STIM1: variants seen among roughly 807,000 people sequenced by gnomAD.
The protein encoded by STIM1 is stromal interaction molecule 1.
Under a neutral mutation model 74.7 loss-of-function variants are expected in STIM1, and 25 were observed. That is an observed-to-expected ratio of 0.33 (90% CI 0.24 to 0.47). The LOEUF (loss-of-function observed/expected upper bound fraction) is 0.47. STIM1 is among the 20% of genes least tolerant of loss of function. The pLI, the probability that STIM1 is intolerant of heterozygous loss-of-function variation, is 1.00. For missense variants in STIM1, 728 were observed against 920.8 expected, an observed-to-expected ratio of 0.79 and a Z score of 2.71; for synonymous variants, 328 against 348.8, an observed-to-expected ratio of 0.94 and a Z score of 0.66.
Position 3,925,805 on chromosome 11 carries a change from A to G in STIM1, c.140-41747A>G, listed in dbSNP as rs144609263. The stretch of plus-strand genomic sequence containing the variant: ...ACAGTGGCAGAGTTAATTAGTTATA[A>G]TAGAGGCTGTAAAATATTAACTGTC... On this transcript the variant is annotated intron_variant, in intron 1 of 12. Coordinates refer to ENST00000526596, the MANE Select transcript of STIM1 (RefSeq NM_001382567.1). 7.7e-3 allele frequency among the ~76,000 whole-genome samples: 1,178 copies of G among 152,340 alleles called. 16 individuals carry two copies. Among genetic ancestry groups the G allele is most frequent in the African/African-American group, 0.027 (1,121 of 41,580 alleles).
intron 1 of STIM1, chr11:3,887,953 G>C (rs2091772547): frequency 7.1e-6 from 1 of 140,670 alleles, no homozygotes; most frequent in Non-Finnish European, 1.5e-5. Context: ...CTGGGTGACA[G>C]AGTGAGACTC....
rs114733725 is a variant in STIM1 at position 3,876,562 on chromosome 11, C to T, written c.139+20153C>T. ...TTGGGACTACAGGCACATGCCACTA[C>T]ACCTGACTGATTTTATTTTTATTTT... On this transcript the variant is annotated intron_variant, in intron 1 of 12. Coordinates refer to ENST00000526596, the MANE Select transcript of STIM1 (RefSeq NM_001382567.1). Among the ~76,000 whole-genome samples, 665 of 152,330 alleles carry T rather than the reference C, an allele frequency of 4.4e-3. 3 individuals carry two copies. Among genetic ancestry groups the T allele is most frequent in the Middle Eastern group, 0.031 (9 of 294 alleles).
intron 1 of STIM1, among the ~76,000 whole-genome samples, chr11:3,895,628 T>TTCTTTC (rs2092052834): frequency 2.0e-4 from 1 of 4,966 alleles, no homozygotes; most frequent in African/African-American, 3.8e-4. Flanking sequence ...CTTTCTTTCT[T>TTCTTTC]TCTTTCTTTC....
chr11:3,988,855 T>A (rs2135834982), intron 2 of STIM1, among the ~76,000 whole-genome samples: 1 of 152,258 alleles, frequency 6.6e-6, no homozygotes, highest in Admixed American at 6.5e-5. Context: ...TATTATAGGA[T>A]ATAAAAACTA....
chr11:3,922,906 T>C (rs1010329587), intron 1 of STIM1, among the ~76,000 whole-genome samples: 26 of 152,092 alleles, frequency 1.7e-4, no homozygotes, highest in Admixed American at 1.3e-4. Flanking sequence ...GAGACCATCC[T>C]GGTTAACATG....
chr11:3,889,516 C>T lies in STIM1; in HGVS notation c.139+33107C>T, dbSNP rs141656531. 4.4e-3 allele frequency among the ~76,000 whole-genome samples: 673 copies of T among 151,944 alleles called. 2 individuals are homozygous for T. Among genetic ancestry groups the T allele is most frequent in the African/African-American group, 0.016 (643 of 41,404 alleles). On this transcript the variant is annotated intron_variant, in intron 1 of 12. Coordinates refer to ENST00000526596, the MANE Select transcript of STIM1 (RefSeq NM_001382567.1). ...CAGAGTAGCTGGGATTACAGGCACA[C>T]GCCACCGCATCTGGCTAATTTTTTT... is the stretch of plus-strand genomic sequence containing the variant.
intron 1 of STIM1, among the ~76,000 whole-genome samples, chr11:3,956,057 A>T (rs2093208877): frequency 6.6e-6 from 1 of 152,140 alleles, no homozygotes; most frequent in East Asian, 1.9e-4. Flanking sequence ...CTGGAGATGA[A>T]ATCAGAAAGA....
In STIM1 at chr11:3,856,453, C is replaced by T. The variant is rs146488874; in HGVS notation, c.139+44C>T. ...CTGGACTGGGCTGGAGGCTTTGGCT[C>T]AGGACTGAGTGGCCCGAAGTGGGCA... On this transcript the variant is annotated intron_variant, in intron 1 of 12. Coordinates refer to ENST00000526596, the MANE Select transcript of STIM1 (RefSeq NM_001382567.1). 1.2e-4 allele frequency: 188 copies of T among 1,601,234 alleles called. No individual in the cohort carries two copies. The Admixed American group carries it at 1.5e-3, about 13-fold the overall frequency.
At chr11:4,020,021 CAT>C (rs933180561) in intron 2 of STIM1, among the ~76,000 whole-genome samples, 39 of 152,226 alleles carry the variant, frequency 2.6e-4, no homozygotes, top group African/African-American at 9.2e-4. Flanking sequence ...TTTAAGATTC[CAT>C]ATATGAGTGA....
At position 3,977,531 on chromosome 11, in the gene STIM1, G is replaced by A. The variant is rs185609878; in HGVS notation, c.270+9849G>A. On this transcript the variant is annotated intron_variant, in intron 2 of 12. Transcript: ENST00000526596. ...CTCAGTTTCTTCATTAGAAATTGGA[G>A]TAATAATAGTAGTAGGCTTTTCATG... is the stretch of plus-strand genomic sequence containing the variant. 2.0e-3 allele frequency among the ~76,000 whole-genome samples: 306 copies of A among 152,324 alleles called. 3 individuals carry two copies. The South Asian group carries it at 0.027, about 13-fold the overall frequency.
intron 2 of STIM1, among the ~76,000 whole-genome samples, chr11:4,016,773 A>G (rs977112906): frequency 6.6e-6 from 1 of 152,186 alleles, no homozygotes; most frequent in Non-Finnish European, 1.5e-5. Context: ...AGCCTCAGCA[A>G]TGGTGGATGC....
rs372735210 is a variant in STIM1, at chr11:3,962,939, TTTAA to T, written c.140-4610_140-4607del. Among the ~76,000 whole-genome samples, 574 of 152,346 alleles carry T rather than the reference TTTAA, an allele frequency of 3.8e-3. 3 individuals carry two copies. Among genetic ancestry groups the T allele is most frequent in the African/African-American group, 0.013 (539 of 41,580 alleles). On this transcript the variant is annotated intron_variant, in intron 1 of 12. Transcript: ENST00000526596. ...AAAAATTTGTGTTTTACTTTCCTTT[TTTAA>T]TTCAAAATTTTGTGGAAATTTTATT...
chr11:4,038,077 C>G (rs1214056230), intron 3 of STIM1, among the ~76,000 whole-genome samples: 3 of 151,438 alleles, frequency 2.0e-5, no homozygotes, highest in Admixed American at 1.3e-4. Flanking sequence ...CTTTGTAACC[C>G]AGGCTGGAGT....
chr11:4,018,475 A>ATC (rs1424704196), intron 2 of STIM1, among the ~76,000 whole-genome samples: 1 of 144,752 alleles, frequency 6.9e-6, no homozygotes. Context: ...AAAAAAAAAA[A>ATC]AAAAAAAAAA....
chr11:3,873,371 T>C (rs1054033994), intron 1 of STIM1, among the ~76,000 whole-genome samples: 2 of 150,536 alleles, frequency 1.3e-5, no homozygotes, highest in Non-Finnish European at 3.0e-5. Context: ...TGAGCCGAGA[T>C]TGCGCCATTG....
At chr11:3,986,638 T>C (rs2093560577) in intron 2 of STIM1, among the ~76,000 whole-genome samples, 1 of 151,398 alleles carries the variant, frequency 6.6e-6, no homozygotes, top group Admixed American at 6.6e-5. Flanking sequence ...GTTTACTAGA[T>C]GAAGAAAGGA....
intron 1 of STIM1, chr11:3,903,721 G>A (rs1281492031): frequency 5.3e-5 from 8 of 152,212 alleles, no homozygotes; most frequent in African/African-American, 1.9e-4. Flanking sequence ...GCTATAGGGG[G>A]AGTATCCCCT....
chr11:4,086,793 G>A, intron 12 of STIM1: 1 of 1,536,576 alleles, frequency 6.5e-7, no homozygotes, highest in Non-Finnish European at 8.7e-7. Context: ...TCCTCCAGAT[G>A]GAGCCCTACC....
chr11:3,954,066 A>G (rs2093182071), intron 1 of STIM1, among the ~76,000 whole-genome samples: 1 of 152,014 alleles, frequency 6.6e-6, no homozygotes, highest in Admixed American at 6.6e-5. Context: ...ATAAGCCACC[A>G]TGCCTGGCCT....
Sources: allele counts gnomAD v4.1 joint callset (sites outside exome capture counted in the v4.1 genomes callset), GRCh38; gene constraint gnomAD v4.1.1; transcripts MANE v1.5; gene names NCBI Gene and HGNC (gene_info 2026-07-23, HGNC 2026-07-21).